The following ZNF503 variants were observed in gnomAD, a reference collection of about 807,000 sequenced individuals.
ZNF503 encodes the protein zinc finger protein 503.
Under a neutral mutation model 34.4 loss-of-function variants are expected in ZNF503, and 15 were observed. The observed-to-expected ratio is 0.44, with a 90% confidence interval of 0.29 to 0.67. The LOEUF (loss-of-function observed/expected upper bound fraction) is 0.67. ZNF503 is among the 30% of genes least tolerant of loss of function. The pLI, the probability that ZNF503 is intolerant of heterozygous loss-of-function variation, is 0.13. For missense variants in ZNF503, 1,007 were observed against 926.8 expected, an observed-to-expected ratio of 1.09 and a Z score of -1.12; for synonymous variants, 580 against 456.8, an observed-to-expected ratio of 1.27 and a Z score of -3.44.
At chr10:75,369,050 T>C in the ZNF503 span, among the ~76,000 whole-genome samples, 1 of 152,160 alleles carries the variant, frequency 6.6e-6, no homozygotes, top group Non-Finnish European at 1.5e-5. Flanking sequence ...CAAGGGAGAC[T>C]TTACACGCTG....
the ZNF503 span, among the ~76,000 whole-genome samples, chr10:75,286,743 G>C: frequency 2.6e-5 from 4 of 152,116 alleles, no homozygotes; most frequent in African/African-American, 9.7e-5. Flanking sequence ...TTCTTTTGGG[G>C]GAAAGGTGTC....
At chr10:75,283,632 C>T in the ZNF503 span, among the ~76,000 whole-genome samples, 2 of 152,032 alleles carry the variant, frequency 1.3e-5, no homozygotes, top group South Asian at 2.1e-4. Flanking sequence ...CCAAGCCAAC[C>T]GCCCCCACCC....
chr10:75,313,455 G>A, the ZNF503 span, among the ~76,000 whole-genome samples: 12 of 152,182 alleles, frequency 7.9e-5, no homozygotes, highest in African/African-American at 2.4e-4. Context: ...TAGTGAGTGA[G>A]CATTTGGTTC....
rs375571321 is a variant in ZNF503 at position 75,399,889 on chromosome 10, G to A, written c.801C>T (p.Thr267=). 4.4e-5 allele frequency: 71 copies of A among 1,601,778 alleles called. No homozygotes were observed. The East Asian group carries it at 1.1e-3, about 24-fold the overall frequency. Residue 267 remains threonine (T), a synonymous_variant, in exon 2 of 2, where the codon ACC becomes ACT. Transcript: ENST00000372524. ...GTCCCCCTTCGGCCGAGGCGCCCCC[G>A]GTGCCCTTGCCACCGCCGCCCACGT... is the stretch of plus-strand genomic sequence containing the variant. ...DTDVGGGGKG[T]GGASAEGGPT... is the part of the protein sequence containing the mutation.
chr10:75,353,147 A>T, the ZNF503 span, among the ~76,000 whole-genome samples: 10 of 152,336 alleles, frequency 6.6e-5, no homozygotes, highest in South Asian at 1.7e-3. Flanking sequence ...AAATAGGCAC[A>T]TTATACGTAC....
chr10:75,301,571 C>CT, the ZNF503 span, among the ~76,000 whole-genome samples: 3 of 151,956 alleles, frequency 2.0e-5, no homozygotes, highest in Non-Finnish European at 1.5e-5. Flanking sequence ...TGCTTATTGT[C>CT]TTTTTTATTT....
the ZNF503 span, among the ~76,000 whole-genome samples, chr10:75,306,053 A>C: frequency 1.3e-5 from 2 of 152,206 alleles, no homozygotes; most frequent in African/African-American, 4.8e-5. Flanking sequence ...TGGTGCATAC[A>C]TGCAGAAGAA....
the ZNF503 span, among the ~76,000 whole-genome samples, chr10:75,348,138 C>A: frequency 2.2e-4 from 33 of 152,176 alleles, no homozygotes; most frequent in Non-Finnish European, 4.4e-4. Flanking sequence ...TCTCGGCTCA[C>A]TGCAACCTCT....
chr10:75,385,054 G>C, the ZNF503 span, among the ~76,000 whole-genome samples: 19 of 152,344 alleles, frequency 1.2e-4, no homozygotes, highest in East Asian at 2.5e-3. Context: ...GGGGAGCTGG[G>C]AATGTCCTTT....
the ZNF503 span, among the ~76,000 whole-genome samples, chr10:75,368,927 T>A: frequency 6.6e-6 from 1 of 152,238 alleles, no homozygotes; most frequent in African/African-American, 2.4e-5. Context: ...TTTAAGGTTA[T>A]AGTTTCAGTC....
the ZNF503 span, among the ~76,000 whole-genome samples, chr10:75,304,053 C>T: frequency 9.3e-4 from 141 of 152,176 alleles, no homozygotes; most frequent in African/African-American, 3.2e-3. Flanking sequence ...AGGCTGGTCT[C>T]GAACTCCTGG....
At chr10:75,395,909 T>A (rs1028030445), downstream of ZNF503, among the ~76,000 whole-genome samples, 2 of 152,162 alleles carry the variant, frequency 1.3e-5, no homozygotes, top group African/African-American at 4.8e-5. This position sits in a 1 kb window ranked among gnomAD's most constrained non-coding sequence, Gnocchi z 4.4. Context: ...CAAGCCTGAA[T>A]CCCAGGGCGG....
the ZNF503 span, among the ~76,000 whole-genome samples, chr10:75,390,171 A>G: frequency 1.3e-5 from 2 of 151,810 alleles, no homozygotes; most frequent in Admixed American, 1.3e-4. Context: ...TGCTGGGATT[A>G]CAGGCATGAT....
chr10:75,385,173 AAACATGG>A, the ZNF503 span, among the ~76,000 whole-genome samples: 1 of 152,156 alleles, frequency 6.6e-6, no homozygotes. Flanking sequence ...TGAGAAACAG[AAACATGG>A]ATAGAGGGAC....
chr10:75,384,719 T>C, the ZNF503 span, among the ~76,000 whole-genome samples: 1 of 151,956 alleles, frequency 6.6e-6, no homozygotes, highest in Non-Finnish European at 1.5e-5. Flanking sequence ...CTGGTTGGGG[T>C]CATGCTCAGA....
chr10:75,302,974 G>T, the ZNF503 span, among the ~76,000 whole-genome samples: 1 of 152,178 alleles, frequency 6.6e-6, no homozygotes, highest in Non-Finnish European at 1.5e-5. Flanking sequence ...TAGAATTCTA[G>T]AGTGTTGAAG....
At chr10:75,315,771 T>C in the ZNF503 span, among the ~76,000 whole-genome samples, 15 of 152,160 alleles carry the variant, frequency 9.9e-5, no homozygotes, top group Non-Finnish European at 2.1e-4. Flanking sequence ...TGAATTAAAT[T>C]CTCCAATCAA....
chr10:75,372,414 C>A, the ZNF503 span, among the ~76,000 whole-genome samples: 1 of 152,170 alleles, frequency 6.6e-6, no homozygotes, highest in African/African-American at 2.4e-5. Flanking sequence ...TGTGATTGGG[C>A]TCGTCTACTC....
the ZNF503 span, among the ~76,000 whole-genome samples, chr10:75,307,447 C>T: frequency 4.2e-4 from 64 of 152,328 alleles, no homozygotes; most frequent in African/African-American, 1.5e-3. Context: ...GAGGCTGGCT[C>T]ATGAGGTTTA....
Sources: gnomAD v4.1 joint callset for allele counts (sites outside exome capture counted in the v4.1 genomes callset) on GRCh38, gnomAD v4.1.1 for gene constraint, Gnocchi (gnomAD v3.1) non-coding constraint, MANE v1.5 for transcripts, NCBI Gene and HGNC (gene_info 2026-07-23, HGNC 2026-07-21) for gene names.